PXN: variants seen among roughly 807,000 people sequenced by gnomAD.
The protein encoded by PXN is paxillin.
A neutral mutation model predicts 103.6 loss-of-function variants in PXN; 61 were observed. That is an observed-to-expected ratio of 0.59 (90% confidence interval 0.48 to 0.73). PXN has a LOEUF of 0.73. Ranked by LOEUF, PXN falls within the 30% of genes least tolerant of loss-of-function variation. PXN has a pLI of 0.00. For missense variants in PXN, 1,274 were observed against 1,460.3 expected, an observed-to-expected ratio of 0.87 and a Z score of 2.08; for synonymous variants, 562 against 607.8, an observed-to-expected ratio of 0.92 and a Z score of 1.11.
rs999061467 is a variant in PXN, at chr12:120,228,581, T to C, written c.14-4204A>G. On this transcript the variant is annotated intron_variant, in intron 1 of 14. Transcript: ENST00000637617. This position sits in a 1 kb window ranked among gnomAD's most constrained non-coding sequence, Gnocchi z 4.7. ...AACCTCGTGCAATCTTGCAATTTTC[T>C]AGCCGGGGAAGACTGGGGAGCCCCT... Among the ~76,000 whole-genome samples, 2 of 152,200 alleles carry C rather than the reference T, an allele frequency of 1.3e-5. No individual in the cohort carries two copies. Among genetic ancestry groups the C allele is most frequent in the Non-Finnish European group, 2.9e-5 (2 of 68,016 alleles).
At chr12:120,230,961 C>G (rs942386438) in intron 1 of PXN, among the ~76,000 whole-genome samples, 2 of 152,174 alleles carry the variant, frequency 1.3e-5, no homozygotes, top group Non-Finnish European at 1.5e-5. Context: ...AGAGCAGGGG[C>G]CTTGTCGGTC....
At chr12:120,238,875 TG>T (rs931180008) in intron 1 of PXN, among the ~76,000 whole-genome samples, 2 of 152,158 alleles carry the variant, frequency 1.3e-5, no homozygotes, top group African/African-American at 2.4e-5. Flanking sequence ...TAGCTATGTA[TG>T]GGGGGCACAG....
chr12:120,227,390 ACTCAGGAGG>A (rs1408370953), intron 1 of PXN, among the ~76,000 whole-genome samples: 1 of 152,220 alleles, frequency 6.6e-6, no homozygotes, highest in Non-Finnish European at 1.5e-5. Flanking sequence ...AGTCCCAATT[ACTCAGGAGG>A]CTGAGGCAGG....
At chr12:120,234,882 A>G (rs1303435574) in intron 1 of PXN, among the ~76,000 whole-genome samples, 1 of 152,170 alleles carries the variant, frequency 6.6e-6, no homozygotes, top group Non-Finnish European at 1.5e-5. Context: ...TAAGGCCAGC[A>G]GGGGGAGGAG....
chr12:120,248,492 T>TCACACACACACACACA (rs3221954), intron 1 of PXN, among the ~76,000 whole-genome samples: 18 of 127,944 alleles, frequency 1.4e-4, no homozygotes, highest in African/African-American at 4.4e-4. Flanking sequence ...CAGATGACTT[T>TCACACACACACACACA]CACACACACA....
intron 1 of PXN, among the ~76,000 whole-genome samples, chr12:120,242,794 T>C (rs979738486): frequency 7.2e-5 from 11 of 151,740 alleles, no homozygotes; most frequent in African/African-American, 2.4e-4. Context: ...GGCAGGAGAA[T>C]TGCTTGAACC....
chr12:120,222,746 C>A lies in PXN; in HGVS notation c.498G>T (p.Glu166Asp). The A allele has an allele frequency of 6.2e-7, 1 of 1,605,054 alleles. No individual in the cohort carries two copies. Among genetic ancestry groups the A allele is most frequent in the Non-Finnish European group, 8.5e-7 (1 of 1,175,796 alleles). ...QHNPPGFPADEANSSPPLPGA... is the reference protein window; with the variant it reads ...QHNPPGFPADDANSSPPLPGA... ...CAGGAAGCGGGGGGCTTGAGTTGGC[C>A]TCATCTTGCAGAGAGGAGAGAAAAA... The change falls in exon 5 of 15, where the codon GAG becomes GAT. Residue 166 changes from glutamate (E) to aspartate (D), a missense_variant. Transcript: ENST00000637617. This position sits in a 1 kb window ranked among gnomAD's most constrained non-coding sequence, Gnocchi z 4.7.
At chr12:120,259,249 G>T (rs896910424) in intron 1 of PXN, among the ~76,000 whole-genome samples, 1 of 151,726 alleles carries the variant, frequency 6.6e-6, no homozygotes, top group Non-Finnish European at 1.5e-5. Context: ...AAAATTAGCC[G>T]GGTGTGGTGG....
chr12:120,211,846 T>C lies in PXN; in HGVS notation c.*468A>G, dbSNP rs972527574. The C allele has an allele frequency of 1.2e-5, 6 of 483,306 alleles. No homozygotes were observed. The highest frequency in any genetic ancestry group is 2.2e-5 in the Admixed American group (1 of 45,682). The allele number at this position is 483,306 out of a possible 1,614,324, so 29.9% of individuals were successfully genotyped here. The stretch of plus-strand genomic sequence containing the variant: ...GATGGATGGATTTATGCTGGCATTG[T>C]CTGGAGGGAGCCGGGTGTCCCCCAA... On this transcript the variant is annotated 3_prime_UTR_variant, in exon 15 of 15. Transcript: ENST00000637617.
Position 120,215,228 on chromosome 12 carries a change from G to GC in PXN, c.2448dup (p.Pro817AlafsTer18), listed in dbSNP as rs1239277803. 1 of 1,591,286 alleles carries GC rather than the reference G, an allele frequency of 6.3e-7. No homozygotes were observed. Reference sequence around the variant, plus strand: ...TCCAGCTGGCTCCCGGGCTTCGGGGGCCCCCCAGGGGGTGAGCTGCTCCCT... The same window carrying GC: ...TCCAGCTGGCTCCCGGGCTTCGGGGGCCCCCCCAGGGGGTGAGCTGCTCCCT... On this transcript the variant is annotated frameshift_variant, in exon 11 of 15. Transcript: ENST00000637617. LOFTEE classifies it high-confidence loss of function. This position sits in a 1 kb window ranked among gnomAD's most constrained non-coding sequence, Gnocchi z 4.9.
intron 7 of PXN, among the ~76,000 whole-genome samples, chr12:120,218,408 T>C (rs566635317): frequency 6.6e-6 from 1 of 152,232 alleles, no homozygotes; most frequent in East Asian, 1.9e-4. Context: ...AGTTTCACTC[T>C]TGTTGCCCAG....
chr12:120,237,182 G>C (rs1053089831), intron 1 of PXN, among the ~76,000 whole-genome samples: 1 of 141,880 alleles, frequency 7.0e-6, no homozygotes, highest in African/African-American at 2.7e-5. Context: ...CACACACACA[G>C]AATCTCACTT....
chr12:120,216,520 G>A lies in PXN; in HGVS notation c.2054C>T (p.Pro685Leu). 1.4e-6 allele frequency: 2 copies of A among 1,398,588 alleles called. No individual in the cohort carries two copies. The highest frequency in any genetic ancestry group is 1.6e-5 in the South Asian group (1 of 62,712). The allele number at this position is 1,398,588 out of a possible 1,614,324, so 86.6% of individuals were successfully genotyped here. Residue 685 changes from proline to leucine, a missense_variant, in exon 9 of 15, where the codon CCT becomes CTT. Pro to Leu is a moderately conservative substitution (Grantham distance 98). This residue lies in a region of PXN where 1,178 missense variants were observed against 1,309.0 expected (regional missense o/e 0.90). Transcript: ENST00000637617. The surrounding 1 kb of genome is among the most constrained non-coding windows in gnomAD (Gnocchi z 5.1). The part of the protein sequence containing the change: ...LRRTISVLAS[P>L]SVPLLQHRTD... ...GCGATGCTGGAGCAAAGGGACAGAAGGAGAAGCCAGGACAGAGATGGTTCT... is the reference window on the plus strand; with the variant it reads ...GCGATGCTGGAGCAAAGGGACAGAAAGAGAAGCCAGGACAGAGATGGTTCT...
chr12:120,240,395 CAGTT>C (rs1035381575), intron 1 of PXN, among the ~76,000 whole-genome samples: 3 of 152,202 alleles, frequency 2.0e-5, no homozygotes, highest in Non-Finnish European at 2.9e-5. Flanking sequence ...TGACAGGTGT[CAGTT>C]AGGTAGTCTG....
In PXN at chr12:120,212,407, A is replaced by G. The variant is rs201899403; in HGVS notation, c.3153T>C (p.Cys1051=). ...AKKFHPEHFV[C]AFCLKQLNKG... is the part of the protein sequence containing the mutation. ...TGTTGAGCTGCTTGAGGCAGAAGGCACAGACGAAGTGCTCGGGGTGGAACT... is the reference window on the plus strand; with the variant it reads ...TGTTGAGCTGCTTGAGGCAGAAGGCGCAGACGAAGTGCTCGGGGTGGAACT... The change falls in exon 15 of 15, where the codon TGT becomes TGC. Residue 1051 remains cysteine, a synonymous_variant. Coordinates refer to ENST00000637617, the MANE Select transcript of PXN (RefSeq NM_001385981.1). This position sits in a 1 kb window ranked among gnomAD's most constrained non-coding sequence, Gnocchi z 7.2. The G allele has an allele frequency of 1.9e-6, 3 of 1,614,012 alleles. No homozygotes were observed. The highest frequency in any genetic ancestry group is 2.5e-6 in the Non-Finnish European group (3 of 1,179,894).
At position 120,216,045 on chromosome 12, in the gene PXN, G is replaced by A. The variant is rs543096367; in HGVS notation, c.2301+228C>T. ...GTACTGAGGACCAGTCGAGGAAGGAGCAGACATGGGTGGACCCACAGAAAA... is the reference window on the plus strand; with the variant it reads ...GTACTGAGGACCAGTCGAGGAAGGAACAGACATGGGTGGACCCACAGAAAA... On this transcript the variant is annotated intron_variant, in intron 9 of 14. Transcript: ENST00000637617. The surrounding 1 kb of genome is among the most constrained non-coding windows in gnomAD (Gnocchi z 5.1). 22 of 1,325,330 alleles carry A rather than the reference G, an allele frequency of 1.7e-5. No individual in the cohort carries two copies. In the East Asian group the frequency reaches 4.3e-4, roughly 26 times the overall value. The allele number at this position is 1,325,330 out of a possible 1,614,324, so 82.1% of individuals were successfully genotyped here.
Position 120,214,177 on chromosome 12 carries a change from TGTTCAGGGTGCCACGTCCGGTCAAGG to T in PXN, c.2763_2788del (p.Asp923LeufsTer57). The T allele has an allele frequency of 6.4e-7, 1 of 1,552,094 alleles. No individual in the cohort carries two copies. Among genetic ancestry groups the T allele is most frequent in the Non-Finnish European group, 8.7e-7 (1 of 1,147,344 alleles). ...GGCTCCACACTGTGCACAGAAGAAGTGTTCAGGGTGCCACGTCCGGTCAAGGGCTGTCACCACTTTCTGTGAAAGCA... is the reference window on the plus strand; with the variant it reads ...GGCTCCACACTGTGCACAGAAGAAGTGCTGTCACCACTTTCTGTGAAAGCA... On this transcript the variant is annotated frameshift_variant, in exon 13 of 15. Coordinates refer to ENST00000637617, the MANE Select transcript of PXN (RefSeq NM_001385981.1). LOFTEE classifies it high-confidence loss of function. The surrounding 1 kb of genome is among the most constrained non-coding windows in gnomAD (Gnocchi z 5.0).
intron 1 of PXN, chr12:120,247,413 C>A (rs1167434725): frequency 6.5e-6 from 1 of 152,754 alleles, no homozygotes; most frequent in Admixed American, 6.5e-5. Context: ...TTTGCCCTCA[C>A]CCCAGAACAA....
chr12:120,238,377 C>T (rs558677576), intron 1 of PXN, among the ~76,000 whole-genome samples: 5 of 152,270 alleles, frequency 3.3e-5, no homozygotes, highest in African/African-American at 1.2e-4. Flanking sequence ...AACGGAGGTG[C>T]CTGTGCCCGG....
Sources: allele counts gnomAD v4.1 joint callset (sites outside exome capture counted in the v4.1 genomes callset), GRCh38; gene constraint gnomAD v4.1.1; regional missense constraint gnomAD v4.1.1; non-coding constraint Gnocchi (gnomAD v3.1); transcripts MANE v1.5; gene names NCBI Gene and HGNC (gene_info 2026-07-23, HGNC 2026-07-21).